Variants in PARD3B observed in about 807,000 individuals in gnomAD.
PARD3B encodes the protein par-3 family cell polarity regulator beta, also known as partitioning defective 3 homolog B.
Under a neutral mutation model 130.2 loss-of-function variants are expected in PARD3B, and 103 were observed. The observed-to-expected ratio is 0.79, with a 90% confidence interval of 0.67 to 0.93. The LOEUF (loss-of-function observed/expected upper bound fraction) is 0.93, where lower values mean the gene tolerates loss of function less well. Ranked by LOEUF, PARD3B falls within the 40% of genes least tolerant of loss-of-function variation. PARD3B has a pLI of 0.00. For synonymous variants in PARD3B, 583 were observed against 553.2 expected (o/e 1.05, Z -0.76); for missense variants, 1,609 against 1,499.2 (o/e 1.07, Z -1.21).
At chr2:205,481,730 G>A (rs1218006791) in intron 20 of PARD3B, among the ~76,000 whole-genome samples, 2 of 152,186 alleles carry the variant, frequency 1.3e-5, no homozygotes, top group African/African-American at 2.4e-5. Flanking sequence ...TCAGAGATAA[G>A]GAGGTTACAC....
At chr2:205,261,587 G>T (rs879745458) in intron 16 of PARD3B, among the ~76,000 whole-genome samples, 13 of 152,156 alleles carry the variant, frequency 8.5e-5, no homozygotes, top group Admixed American at 1.3e-4. Context: ...AGTGGGAAAT[G>T]ATGGTCATAA....
rs1181088154 is a variant in PARD3B, at chr2:205,460,400, TGATGATGATGA to T, written c.3044+19729_3044+19739del. ...AGACTAAGGATGTTGATAGTGATGA[TGATGATGATGA>T]TGATGATGATGATGATGATGATGAT... On this transcript the variant is annotated intron_variant, in intron 20 of 22. Transcript: ENST00000406610. This position sits in a 1 kb window ranked among gnomAD's most constrained non-coding sequence, Gnocchi z 4.9. 4.2e-5 allele frequency among the ~76,000 whole-genome samples: 6 copies of T among 141,188 alleles called. No individual in the cohort carries two copies. The highest frequency in any genetic ancestry group is 3.6e-3 in the Middle Eastern group (1 of 276). The allele number at this position is 141,188 out of a possible 152,430, so 92.6% of individuals were successfully genotyped here.
intron 2 of PARD3B, among the ~76,000 whole-genome samples, chr2:204,788,665 G>C (rs2125468902): frequency 6.6e-6 from 1 of 152,188 alleles, no homozygotes; most frequent in African/African-American, 2.4e-5. Flanking sequence ...ATTATTACAT[G>C]GTCCAGCACA....
At chr2:204,553,020 T>A (rs1277593846) in intron 1 of PARD3B, among the ~76,000 whole-genome samples, 2 of 152,114 alleles carry the variant, frequency 1.3e-5, no homozygotes, top group East Asian at 3.9e-4. Context: ...GACAAAGGAC[T>A]AATATCCAGA....
At chr2:204,731,351 C>T (rs2039498924) in intron 2 of PARD3B, among the ~76,000 whole-genome samples, 1 of 152,270 alleles carries the variant, frequency 6.6e-6, no homozygotes, top group South Asian at 2.1e-4. Context: ...AGTCTTGCAA[C>T]AACCTGTGTT....
chr2:204,899,541 A>C (rs1244322698), intron 2 of PARD3B, among the ~76,000 whole-genome samples: 3 of 152,178 alleles, frequency 2.0e-5, no homozygotes, highest in Non-Finnish European at 4.4e-5. Flanking sequence ...CTTCATTATT[A>C]ATATTTTGTT....
intron 21 of PARD3B, among the ~76,000 whole-genome samples, chr2:205,535,378 T>C (rs73985041): frequency 0.03 from 4,613 of 152,240 alleles, 253 homozygotes; most frequent in African/African-American, 0.11. Flanking sequence ...GAAGATGTCA[T>C]AGGACATTTC....
intron 2 of PARD3B, among the ~76,000 whole-genome samples, chr2:204,831,688 A>C (rs1165568681): frequency 7.1e-6 from 1 of 140,270 alleles, no homozygotes; most frequent in African/African-American, 3.2e-5. Context: ...CCTTTTAGAC[A>C]AAACCCTTCT....
chr2:205,515,055 C>T (rs762448813), intron 21 of PARD3B, among the ~76,000 whole-genome samples: 3 of 152,030 alleles, frequency 2.0e-5, no homozygotes, highest in Non-Finnish European at 4.4e-5. Flanking sequence ...AAGTGCTCAT[C>T]ATTTAGCTCC....
At chr2:204,922,115 TC>T (rs1234267268) in intron 2 of PARD3B, among the ~76,000 whole-genome samples, 7 of 152,096 alleles carry the variant, frequency 4.6e-5, no homozygotes, top group African/African-American at 1.7e-4. Flanking sequence ...AATTTGAGCT[TC>T]CCATGGGATA....
At chr2:204,974,180 T>C (rs531781152) in intron 3 of PARD3B, among the ~76,000 whole-genome samples, 1 of 152,330 alleles carries the variant, frequency 6.6e-6, no homozygotes, top group Admixed American at 6.5e-5. Context: ...TCTTTACAGA[T>C]GGAAGAAATT....
At chr2:204,820,026 A>G (rs569348442) in intron 2 of PARD3B, among the ~76,000 whole-genome samples, 50 of 151,230 alleles carry the variant, frequency 3.3e-4, no homozygotes, top group Non-Finnish European at 5.9e-5. Flanking sequence ...TGTCTGCAAG[A>G]TCTACCTAAA....
chr2:204,911,604 C>G (rs1210207079), intron 2 of PARD3B, among the ~76,000 whole-genome samples: 1 of 152,176 alleles, frequency 6.6e-6, no homozygotes, highest in Non-Finnish European at 1.5e-5. Flanking sequence ...TCATTTCAGT[C>G]TGCAACAGTG....
At chr2:205,228,141 A>C (rs1469883056) in intron 15 of PARD3B, among the ~76,000 whole-genome samples, 1 of 152,176 alleles carries the variant, frequency 6.6e-6, no homozygotes, top group Non-Finnish European at 1.5e-5. Context: ...TTTACATGGC[A>C]CAATTACAAT....
chr2:204,847,024 A>G (rs2044488726), intron 2 of PARD3B, among the ~76,000 whole-genome samples: 1 of 152,080 alleles, frequency 6.6e-6, no homozygotes, highest in South Asian at 2.1e-4. Context: ...ATCTGTATAT[A>G]TGCTGGTTCA....
At chr2:204,549,408 C>T (rs1461389969) in intron 1 of PARD3B, among the ~76,000 whole-genome samples, 1 of 152,122 alleles carries the variant, frequency 6.6e-6, no homozygotes, top group Non-Finnish European at 1.5e-5. Context: ...TTAAATTTAT[C>T]ATCAAAATTA....
intron 22 of PARD3B, among the ~76,000 whole-genome samples, chr2:205,561,023 C>A (rs186243132): frequency 1.4e-4 from 21 of 152,324 alleles, no homozygotes; most frequent in South Asian, 6.2e-4. Flanking sequence ...TTATGCCCAT[C>A]AGGAAGAGTC....
chr2:204,636,279 C>T (rs945385737), intron 1 of PARD3B, among the ~76,000 whole-genome samples: 1 of 151,996 alleles, frequency 6.6e-6, no homozygotes, highest in African/African-American at 2.4e-5. Context: ...CTAATCTTTC[C>T]TTTGATGGGA....
intron 20 of PARD3B, chr2:205,482,611 G>A (rs905838462): frequency 2.6e-5 from 4 of 152,498 alleles, no homozygotes; most frequent in Admixed American, 2.6e-4. Flanking sequence ...CTCCCCAGGC[G>A]GGGGTGGGGG....
Sources: gnomAD v4.1 joint callset for allele counts (sites outside exome capture counted in the v4.1 genomes callset) on GRCh38, gnomAD v4.1.1 for gene constraint, Gnocchi (gnomAD v3.1) non-coding constraint, MANE v1.5 for transcripts, NCBI Gene and HGNC (gene_info 2026-07-23, HGNC 2026-07-21) for gene names.